Variants in OTOF observed in about 807,000 individuals in gnomAD.
The protein encoded by OTOF is fer-1-like family member 2.
In OTOF, 218 loss-of-function variants were observed where a neutral mutation model predicts 236.8. The ratio of observed to expected loss-of-function variants is 0.92; its 90% CI spans 0.82 to 1.03. The LOEUF (loss-of-function observed/expected upper bound fraction) is 1.03, where lower values mean the gene tolerates loss of function less well. OTOF is among the 50% of genes least tolerant of loss of function. The pLI, the probability that OTOF is intolerant of heterozygous loss-of-function variation, is 0.00. For synonymous variants in OTOF, 1,041 were observed against 1,072.5 expected (o/e 0.97, Z 0.57); for missense variants, 2,590 against 2,694.4 (o/e 0.96, Z 0.86).
At chr2:26,474,474 C>T (rs1320369442) in intron 26 of OTOF, 39 bp downstream of exon 26, 9 of 1,552,324 alleles carry the variant, frequency 5.8e-6, no homozygotes, top group Non-Finnish European at 7.8e-6. Flanking sequence ...TCCCAGCCTC[C>T]AGTCCCCAGG....
chr2:26,482,564 T>C lies in OTOF; in HGVS notation c.1421A>G (p.Tyr474Cys). ...GACCTGCTCATTCCACAGGGGCTCATAGCTGCTCTTCTGCACTGAAGTCTT... is the reference window on the plus strand; with the variant it reads ...GACCTGCTCATTCCACAGGGGCTCACAGCTGCTCTTCTGCACTGAAGTCTT... ...KGKTSVQKSS[Y>C]EPLWNEQVVF... The change falls in exon 14 of 47, where the codon TAT (tyrosine) becomes TGT (cysteine). Residue 474 changes from tyrosine (Y) to cysteine (C), a missense_variant. By Grantham distance (194) the Tyr-to-Cys change is radical (BLOSUM62 -2). Coordinates refer to ENST00000272371, the MANE Select transcript of OTOF (RefSeq NM_194248.3). 6.2e-7 allele frequency: 1 copy of C among 1,613,372 alleles called. No homozygotes were observed. The highest frequency in any genetic ancestry group is 8.5e-7 in the Non-Finnish European group (1 of 1,179,976).
rs530584989 is a variant in OTOF at position 26,497,331 on chromosome 2, G to A, written c.766-2258C>T. On this transcript the variant is annotated intron_variant, in intron 8 of 46. Coordinates refer to ENST00000272371, the MANE Select transcript of OTOF (RefSeq NM_194248.3). ...GGCCGGGATGGTCTCAGTCTCCCTC[G>A]TGATCCACCTGCCTTGGCTTCCCAA... Among the ~76,000 whole-genome samples the A allele has an allele frequency of 3.3e-4, 50 of 152,142 alleles. No homozygotes were observed. The South Asian group carries it at 6.4e-3, about 20-fold the overall frequency.
chr2:26,546,900 A>G (rs1364688205), intron 1 of OTOF, among the ~76,000 whole-genome samples: 1 of 152,194 alleles, frequency 6.6e-6, no homozygotes, highest in Non-Finnish European at 1.5e-5. Flanking sequence ...GTAGCTTTTT[A>G]ATAGATTCCT....
intron 5 of OTOF, among the ~76,000 whole-genome samples, chr2:26,509,671 T>A (rs1168510587): frequency 6.6e-6 from 1 of 152,184 alleles, no homozygotes; most frequent in Non-Finnish European, 1.5e-5. Context: ...TCTTAATATA[T>A]TGAGGCCACA....
At position 26,471,159 on chromosome 2, in the gene OTOF, G is replaced by C. The variant is rs1478875365; in HGVS notation, c.3865-9C>G. 1.2e-6 allele frequency: 2 copies of C among 1,614,084 alleles called. No individual in the cohort carries two copies. Among genetic ancestry groups the C allele is most frequent in the South Asian group, 2.2e-5 (2 of 91,076 alleles). On this transcript the variant is annotated splice_polypyrimidine_tract_variant and intron_variant, in intron 30 of 46. Coordinates refer to ENST00000272371, the MANE Select transcript of OTOF (RefSeq NM_194248.3). ...ACAACAGCTTCAGAAGTCTGCAGAG[G>C]AACCAAGGAGACAGGGGCAGAATCA...
intron 5 of OTOF, among the ~76,000 whole-genome samples, chr2:26,504,839 C>T (rs1253790941): frequency 6.6e-6 from 1 of 152,212 alleles, no homozygotes; most frequent in Admixed American, 6.5e-5. Flanking sequence ...CTCCCTCCTC[C>T]TGGGTATGGC....
intron 11 of OTOF, among the ~76,000 whole-genome samples, chr2:26,488,198 C>G (rs1392910396): frequency 6.6e-6 from 1 of 152,228 alleles, no homozygotes; most frequent in Non-Finnish European, 1.5e-5. Context: ...TTAGTGGTAT[C>G]TCTAAGCCCC....
chr2:26,463,423 G>T (rs559857066), intron 41 of OTOF, 60 bp downstream of exon 41: 7 of 1,367,074 alleles, frequency 5.1e-6, no homozygotes, highest in Non-Finnish European at 7.2e-6. Flanking sequence ...GGGTTGGGCC[G>T]TGGTGGGAAG....
In OTOF at chr2:26,479,401, C is replaced by T. The variant is rs750895106; in HGVS notation, c.2094-17G>A. ...AAGTAGTTCCTGGGGTGGGCAGAGG[C>T]GGGAGGTGAGGTCTTGGGGGCCCAG... On this transcript the variant is annotated splice_polypyrimidine_tract_variant and intron_variant, in intron 17 of 46. Transcript: ENST00000272371. 5.2e-5 allele frequency: 83 copies of T among 1,610,432 alleles called. No homozygotes were observed. Among genetic ancestry groups the T allele is most frequent in the Non-Finnish European group, 6.4e-5 (76 of 1,179,050 alleles).
At chr2:26,506,151 GT>G (rs1666241752) in intron 5 of OTOF, among the ~76,000 whole-genome samples, 1 of 152,186 alleles carries the variant, frequency 6.6e-6, no homozygotes, top group African/African-American at 2.4e-5. Context: ...CAGAAGTGTA[GT>G]TTTTGTGGGC....
intron 22 of OTOF, 152 bp downstream of exon 22, chr2:26,476,739 C>G: frequency 2.8e-6 from 1 of 360,586 alleles, no homozygotes. Flanking sequence ...TCCTTCCCCA[C>G]CCCTTCCCCC....
At chr2:26,466,539 G>A (rs1261823739) in intron 36 of OTOF, among the ~76,000 whole-genome samples, 175 bp downstream of exon 36, 1 of 152,184 alleles carries the variant, frequency 6.6e-6, no homozygotes, top group Non-Finnish European at 1.5e-5. Context: ...GTTTAACCAT[G>A]TTGGCCAGGC....
intron 1 of OTOF, among the ~76,000 whole-genome samples, chr2:26,540,155 A>G (rs545762563): frequency 1.3e-5 from 2 of 152,310 alleles, no homozygotes; most frequent in South Asian, 2.1e-4. Context: ...CTGGTCTCGA[A>G]TTCCTGGCCT....
In OTOF at chr2:26,503,832, C is replaced by T. The variant is rs765791956; in HGVS notation, c.523G>A (p.Val175Met). Residue 175 changes from valine to methionine, a missense_variant, in exon 6 of 47, where the codon GTG becomes ATG. Physicochemically the swap from Val to Met is conservative, Grantham distance 21. Coordinates refer to ENST00000272371, the MANE Select transcript of OTOF (RefSeq NM_194248.3). ...EKSFRRAGRS[V>M]FSAMKLGKNR... Reference sequence around the variant, plus strand: ...TTGCCGAGCTTCATGGCGGAGAACACGCTCCTCCCGGCTCTGTGAGGGGGG... The same window carrying T: ...TTGCCGAGCTTCATGGCGGAGAACATGCTCCTCCCGGCTCTGTGAGGGGGG... 9 of 1,613,972 alleles carry T rather than the reference C, an allele frequency of 5.6e-6. No homozygotes were observed. The highest frequency in any genetic ancestry group is 5.9e-6 in the Non-Finnish European group (7 of 1,179,956).
At chr2:26,527,290 C>T (rs1224275433) in intron 3 of OTOF, among the ~76,000 whole-genome samples, 3 of 152,242 alleles carry the variant, frequency 2.0e-5, no homozygotes, top group Non-Finnish European at 2.9e-5. Context: ...GAGGTAAATA[C>T]TTGTCCTTTT....
intron 1 of OTOF, among the ~76,000 whole-genome samples, chr2:26,549,477 C>T (rs976485161): frequency 6.6e-5 from 10 of 152,214 alleles, no homozygotes; most frequent in African/African-American, 2.4e-4. Flanking sequence ...CAGAGCCAGA[C>T]TTGGGATACT....
chr2:26,457,675 A>G lies in OTOF; in HGVS notation c.*563T>C, dbSNP rs564569583. On this transcript the variant is annotated 3_prime_UTR_variant, in exon 47 of 47. Coordinates refer to ENST00000272371, the MANE Select transcript of OTOF (RefSeq NM_194248.3). The surrounding 1 kb of genome is among the most constrained non-coding windows in gnomAD (Gnocchi z 4.4). ...GGCACTGACCCATGGTCCTTGGTTA[A>G]TTTCACTAAAGCTTCAATCCTGTAC... 8.0e-6 allele frequency: 2 copies of G among 249,726 alleles called. No individual in the cohort carries two copies. Among genetic ancestry groups the G allele is most frequent in the African/African-American group, 4.5e-5 (2 of 44,868 alleles). 15.5% of individuals were successfully genotyped at this position (249,726 alleles called of 1,614,324 possible).
chr2:26,557,480 G>T (rs568394498), intron 1 of OTOF, among the ~76,000 whole-genome samples: 1 of 152,086 alleles, frequency 6.6e-6, no homozygotes, highest in African/African-American at 2.4e-5. Flanking sequence ...CAGGGGCTCC[G>T]CTGTCCCCGG....
chr2:26,466,188 C>T, intron 36 of OTOF, 112 bp from the exon 37 acceptor site: 1 of 1,355,402 alleles, frequency 7.4e-7, no homozygotes, highest in Non-Finnish European at 1.0e-6. Flanking sequence ...GGCAGGAGCA[C>T]TGGACCCCTC....
Sources: allele counts gnomAD v4.1 joint callset (sites outside exome capture counted in the v4.1 genomes callset), GRCh38; gene constraint gnomAD v4.1.1; non-coding constraint Gnocchi (gnomAD v3.1); transcripts MANE v1.5; gene names NCBI Gene and HGNC (gene_info 2026-07-23, HGNC 2026-07-21).